Variants in LAPTM4B observed in about 807,000 individuals in gnomAD.
LAPTM4B encodes lysosomal protein transmembrane 4 beta, also known as lysosomal-associated transmembrane protein 4B.
In LAPTM4B, 26 loss-of-function variants were observed where a neutral mutation model predicts 28.5. The ratio of observed to expected loss-of-function variants is 0.91; its 90% CI spans 0.67 to 1.27. LAPTM4B has a LOEUF of 1.27. Ranked by LOEUF, LAPTM4B falls within the 50% of genes most tolerant of loss-of-function variation. The probability of loss-of-function intolerance (pLI) is 0.00; values close to 1 mark genes in which losing one functional copy is unlikely to be tolerated. For missense variants in LAPTM4B, 288 were observed against 285.8 expected, an observed-to-expected ratio of 1.01 and a Z score of -0.06; for synonymous variants, 109 against 106.4, an observed-to-expected ratio of 1.02 and a Z score of -0.15.
intron 2 of LAPTM4B, 126 bp downstream of exon 2, chr8:97,805,590 C>T (rs553083237): frequency 6.5e-5 from 43 of 656,502 alleles, no homozygotes; most frequent in African/African-American, 1.8e-4. Flanking sequence ...TGCAAATCAA[C>T]GAATATTTGT....
intron 6 of LAPTM4B, among the ~76,000 whole-genome samples, chr8:97,827,677 G>A (rs759268025): frequency 9.9e-5 from 15 of 152,236 alleles, no homozygotes; most frequent in South Asian, 2.1e-4. Context: ...TATTATGTGC[G>A]CATCTAAGCG....
chr8:97,823,299 G>T (rs1272514994), intron 5 of LAPTM4B, among the ~76,000 whole-genome samples: 1 of 151,526 alleles, frequency 6.6e-6, no homozygotes, highest in Non-Finnish European at 1.5e-5. Context: ...CCTTGAGAAT[G>T]CCTATTCTGG....
intron 2 of LAPTM4B, among the ~76,000 whole-genome samples, chr8:97,806,875 T>C (rs1326393919): frequency 1.3e-5 from 2 of 152,128 alleles, no homozygotes; most frequent in African/African-American, 4.8e-5. Flanking sequence ...GAGAATTGCT[T>C]GAACCCCAGG....
intron 2 of LAPTM4B, among the ~76,000 whole-genome samples, chr8:97,812,742 C>T (rs1204749944): frequency 6.6e-6 from 1 of 152,140 alleles, no homozygotes; most frequent in East Asian, 1.9e-4. Context: ...CCCAAGACAA[C>T]CTCAGAGTGG....
chr8:97,831,059 T>C (rs1307610597), intron 6 of LAPTM4B, among the ~76,000 whole-genome samples: 2 of 152,056 alleles, frequency 1.3e-5, no homozygotes, highest in Admixed American at 1.3e-4. Context: ...CTTTTTTGCG[T>C]TGGAGGGTGA....
In LAPTM4B at chr8:97,804,668, G is replaced by A. The variant is rs140377519; in HGVS notation, c.100-685G>A. Among the ~76,000 whole-genome samples, 1,268 of 152,236 alleles carry A rather than the reference G, an allele frequency of 8.3e-3. 21 individuals carry two copies. Among genetic ancestry groups the A allele is most frequent in the African/African-American group, 0.029 (1,188 of 41,546 alleles). On this transcript the variant is annotated intron_variant, in intron 1 of 6. Transcript: ENST00000521545. ...ATGTTTTTCATTAATTATTAATAGCGAGGCCATTTTTTAAATTAGAGAACA... is the reference window on the plus strand; with the variant it reads ...ATGTTTTTCATTAATTATTAATAGCAAGGCCATTTTTTAAATTAGAGAACA...
intron 6 of LAPTM4B, among the ~76,000 whole-genome samples, chr8:97,842,090 A>G (rs1817356408): frequency 1.3e-5 from 2 of 152,186 alleles, no homozygotes; most frequent in Non-Finnish European, 2.9e-5. Flanking sequence ...TCTCTATCGC[A>G]AGTATTTGAC....
chr8:97,812,094 C>T (rs1816837569), intron 2 of LAPTM4B, among the ~76,000 whole-genome samples: 1 of 152,150 alleles, frequency 6.6e-6, no homozygotes, highest in Non-Finnish European at 1.5e-5. Context: ...GAGTGAGCCA[C>T]CGCGCCCGGC....
In LAPTM4B at chr8:97,801,644, C is replaced by T. The variant is rs569352161; in HGVS notation, c.100-3709C>T. On this transcript the variant is annotated intron_variant, in intron 1 of 6. Coordinates refer to ENST00000521545, the MANE Select transcript of LAPTM4B (RefSeq NM_018407.6). The stretch of plus-strand genomic sequence containing the variant: ...TCTGAGGCAGGCGGATCACTTGAGA[C>T]CAGCCTGGCTAATATGGTGAAACGC... Among the ~76,000 whole-genome samples the T allele has an allele frequency of 2.6e-5, 4 of 152,076 alleles. No homozygotes were observed. In the East Asian group the frequency reaches 7.7e-4, roughly 29 times the overall value.
chr8:97,815,266 G>A, intron 2 of LAPTM4B, 62 bp from the exon 3 acceptor site: 1 of 1,203,612 alleles, frequency 8.3e-7, no homozygotes, highest in Non-Finnish European at 1.2e-6. Context: ...GAGACTGAAA[G>A]TATTCAGTGG....
At chr8:97,812,073 T>A (rs1259473832) in intron 2 of LAPTM4B, among the ~76,000 whole-genome samples, 1 of 152,170 alleles carries the variant, frequency 6.6e-6, no homozygotes, top group Non-Finnish European at 1.5e-5. Flanking sequence ...CCAAAAGTCC[T>A]GGGATTGCAG....
intron 1 of LAPTM4B, among the ~76,000 whole-genome samples, chr8:97,795,014 A>G (rs1398186358): frequency 2.6e-5 from 4 of 152,238 alleles, no homozygotes; most frequent in Non-Finnish European, 5.9e-5. Context: ...GCCCAGCCCC[A>G]TTAATAACTT....
At chr8:97,823,406 A>G (rs532297008) in intron 5 of LAPTM4B, among the ~76,000 whole-genome samples, 45 of 138,776 alleles carry the variant, frequency 3.2e-4, no homozygotes, top group African/African-American at 1.2e-3. Context: ...ACGGAGTCTC[A>G]CTCTGTCACC....
chr8:97,834,653 A>C (rs1817234608), intron 6 of LAPTM4B, among the ~76,000 whole-genome samples: 1 of 151,984 alleles, frequency 6.6e-6, no homozygotes, highest in Admixed American at 6.6e-5. Flanking sequence ...CTGGGCCTCA[A>C]ACTTAAGCAA....
At chr8:97,782,713 G>T (rs1306562623) in intron 1 of LAPTM4B, among the ~76,000 whole-genome samples, 1 of 149,076 alleles carries the variant, frequency 6.7e-6, no homozygotes, top group Non-Finnish European at 1.5e-5. Context: ...TGGGATTACG[G>T]GCGTGAGCCA....
At chr8:97,823,053 G>T (rs1315893270) in intron 5 of LAPTM4B, among the ~76,000 whole-genome samples, 1 of 152,066 alleles carries the variant, frequency 6.6e-6, no homozygotes, top group Non-Finnish European at 1.5e-5. Flanking sequence ...GCGTTAGCCA[G>T]GGTGGTCTCT....
At chr8:97,844,630 A>G (rs1294854834) in intron 6 of LAPTM4B, among the ~76,000 whole-genome samples, 2 of 152,152 alleles carry the variant, frequency 1.3e-5, no homozygotes, top group African/African-American at 4.8e-5. Flanking sequence ...CAAGGCAATG[A>G]CTTCAAACAG....
chr8:97,837,586 A>C (rs2129838571), intron 6 of LAPTM4B, among the ~76,000 whole-genome samples: 1 of 152,274 alleles, frequency 6.6e-6, no homozygotes, highest in East Asian at 1.9e-4. Flanking sequence ...TTAACTTTCC[A>C]AAATGGTTTG....
intron 4 of LAPTM4B, among the ~76,000 whole-genome samples, chr8:97,817,412 A>G (rs1161168082): frequency 6.9e-6 from 1 of 145,656 alleles, no homozygotes; most frequent in Non-Finnish European, 1.5e-5. Context: ...TGCTGGCATT[A>G]TAGATGTGAC....
Sources: allele counts gnomAD v4.1 joint callset (sites outside exome capture counted in the v4.1 genomes callset), GRCh38; gene constraint gnomAD v4.1.1; transcripts MANE v1.5; gene names NCBI Gene and HGNC (gene_info 2026-07-23, HGNC 2026-07-21).